The following CBX3 variants were observed in gnomAD, a reference collection of about 807,000 sequenced individuals.
The protein encoded by CBX3 is chromobox protein homolog 3.
A neutral mutation model predicts 22.6 loss-of-function variants in CBX3; 5 were observed. The ratio of observed to expected loss-of-function variants is 0.22; its 90% confidence interval spans 0.12 to 0.47. The LOEUF is 0.47. Among genes scored for constraint, CBX3 ranks in the 20% least tolerant of loss-of-function variants. CBX3 has a pLI of 0.99. For missense variants in CBX3, 83 were observed against 208.1 expected (o/e 0.40, Z 3.70); for synonymous variants, 50 against 66.6 (o/e 0.75, Z 1.21).
In CBX3 at chr7:26,211,643, A is replaced by G. The variant is rs1265096368; in HGVS notation, c.331-19A>G. On this transcript the variant is annotated intron_variant, in intron 4 of 5. Coordinates refer to ENST00000396386, the MANE Select transcript of CBX3 (RefSeq NM_016587.4). ...TTAATACTCTGAGTTTGCTGTATGAAAAAATGTCTTCTAAACAGGCTGACA... is the reference window on the plus strand; with the variant it reads ...TTAATACTCTGAGTTTGCTGTATGAGAAAATGTCTTCTAAACAGGCTGACA... The G allele has an allele frequency of 1.2e-5, 18 of 1,547,778 alleles. No individual in the cohort carries two copies. The highest frequency in any genetic ancestry group is 1.6e-5 in the Non-Finnish European group (18 of 1,135,238).
At chr7:26,209,507 A>T (rs1784758263) in intron 4 of CBX3, among the ~76,000 whole-genome samples, 1 of 152,224 alleles carries the variant, frequency 6.6e-6, no homozygotes, top group Non-Finnish European at 1.5e-5. Context: ...ACGCAAATAG[A>T]ACTTTCTGAT....
At chr7:26,202,637 T>A (rs1784562897) in intron 1 of CBX3, 1 of 267,530 alleles carries the variant, frequency 3.7e-6, no homozygotes, top group Non-Finnish European at 7.0e-6. Context: ...TCGTGCCTGG[T>A]TTTAAACCGA....
chr7:26,209,306 G>A (rs943289873), intron 4 of CBX3, among the ~76,000 whole-genome samples: 7 of 152,236 alleles, frequency 4.6e-5, no homozygotes, highest in South Asian at 2.1e-4. Context: ...AAGGATGGGC[G>A]TGGTTTAGCC....
intron 1 of CBX3, chr7:26,202,606 C>G (rs1352583723): frequency 4.5e-6 from 1 of 221,544 alleles, no homozygotes; most frequent in Non-Finnish European, 8.8e-6. Flanking sequence ...AGTGCTTTAC[C>G]GTTGTGAGTT....
chr7:26,209,031 A>T (rs1784746265), intron 4 of CBX3, among the ~76,000 whole-genome samples: 2 of 137,120 alleles, frequency 1.5e-5, no homozygotes, highest in Non-Finnish European at 3.0e-5. Context: ...CTCCGCCTCC[A>T]GAGTAGCTGG....
Position 26,203,030 on chromosome 7 carries a change from AATGAAAACCTAAAAT to A in CBX3, c.24+12_24+26del. On this transcript the variant is annotated intron_variant, in intron 2 of 5. Transcript: ENST00000396386. Reference sequence around the variant, plus strand: ...TCCAACAAAACTACATTGGTAAGTTAATGAAAACCTAAAATATGTAAGGATTTAACTCAAGTTTTT... The same window carrying A: ...TCCAACAAAACTACATTGGTAAGTTAATGTAAGGATTTAACTCAAGTTTTT... The A allele has an allele frequency of 6.6e-7, 1 of 1,511,154 alleles. No individual in the cohort carries two copies. The highest frequency in any genetic ancestry group is 1.2e-5 in the South Asian group (1 of 84,012). The allele number at this position is 1,511,154 out of a possible 1,614,324, so 93.6% of individuals were successfully genotyped here. A position where few individuals can be genotyped will look rare whatever the true frequency, so the allele number is the denominator to read the frequency against.
intron 2 of CBX3, among the ~76,000 whole-genome samples, chr7:26,205,803 G>T (rs188086092): frequency 6.6e-6 from 1 of 152,152 alleles, no homozygotes; most frequent in Non-Finnish European, 1.5e-5. Context: ...TAAGACTACA[G>T]GGCCGGGCGC....
intron 2 of CBX3, among the ~76,000 whole-genome samples, chr7:26,204,963 A>T (rs1187078832): frequency 6.6e-6 from 1 of 151,708 alleles, no homozygotes; most frequent in Non-Finnish European, 1.5e-5. Flanking sequence ...CTAATTTTGT[A>T]TTTTTAGTAG....
rs914975038 is a variant in CBX3 at position 26,202,841 on chromosome 7, C to T, written c.-28-130C>T. ...AAGCAATGTAGGTAGGAGCGCAGAT[C>T]TACTCTGGATTTGTATTCACGTTTG... On this transcript the variant is annotated intron_variant, in intron 1 of 5. Transcript: ENST00000396386. The T allele has an allele frequency of 8.5e-6, 6 of 709,672 alleles. No individual in the cohort carries two copies. The African/African-American group carries it at 1.1e-4, about 13-fold the overall frequency. The allele number at this position is 709,672 out of a possible 1,614,324, so 44.0% of individuals were successfully genotyped here.
chr7:26,201,494 G>C (rs1784431222), upstream of CBX3: 3 of 152,022 alleles, frequency 2.0e-5, no homozygotes, highest in Non-Finnish European at 4.4e-5. Flanking sequence ...AGGAGACTCC[G>C]GTCACTGTCC....
chr7:26,207,742 TC>T (rs1341140947), intron 3 of CBX3, among the ~76,000 whole-genome samples: 3 of 151,952 alleles, frequency 2.0e-5, no homozygotes, highest in African/African-American at 4.8e-5. Flanking sequence ...GATCCCAAAC[TC>T]CTGACCTCAA....
chr7:26,207,095 T>A (rs752492330), intron 3 of CBX3, among the ~76,000 whole-genome samples: 1 of 152,196 alleles, frequency 6.6e-6, no homozygotes, highest in Non-Finnish European at 1.5e-5. Flanking sequence ...GTTGTGCTTA[T>A]CTGCTTTGAT....
chr7:26,202,733 A>C, intron 1 of CBX3: 1 of 491,870 alleles, frequency 2.0e-6, no homozygotes, highest in Non-Finnish European at 3.6e-6. Context: ...ATTTTAAGCC[A>C]TGTGAAGCTG....
At chr7:26,209,063 C>T (rs1293801196) in intron 4 of CBX3, among the ~76,000 whole-genome samples, 2 of 150,824 alleles carry the variant, frequency 1.3e-5, no homozygotes, top group African/African-American at 4.9e-5. Flanking sequence ...TGTACCACCA[C>T]ACCCAGCTGG....
Position 26,212,916 on chromosome 7 carries a change from A to T in CBX3, c.*708A>T, listed in dbSNP as rs1784841974. 1 of 151,104 alleles carries T rather than the reference A, an allele frequency of 6.6e-6. No homozygotes were observed. Among genetic ancestry groups the T allele is most frequent in the Non-Finnish European group, 1.5e-5 (1 of 68,050 alleles). 9.4% of individuals were successfully genotyped at this position (151,104 alleles called of 1,614,324 possible). On this transcript the variant is annotated 3_prime_UTR_variant, in exon 6 of 6. Transcript: ENST00000396386. ...AGCAGGTTTCCTCATCCAGATGAGGAAACTAGACAAATGCTAGTGTGTTTT... is the reference window on the plus strand; with the variant it reads ...AGCAGGTTTCCTCATCCAGATGAGGTAACTAGACAAATGCTAGTGTGTTTT...
chr7:26,204,798 T>G (rs1003673676), intron 2 of CBX3, among the ~76,000 whole-genome samples: 5 of 152,136 alleles, frequency 3.3e-5, no homozygotes, highest in African/African-American at 1.2e-4. Context: ...TTTGTTTTTG[T>G]GTTTTTTTGA....
chr7:26,202,849 G>T, intron 1 of CBX3, 122 bp from the exon 2 acceptor site: 1 of 731,578 alleles, frequency 1.4e-6, no homozygotes, highest in South Asian at 1.5e-5. Flanking sequence ...ATCTACTCTG[G>T]ATTTGTATTC....
At position 26,211,988 on chromosome 7, in the gene CBX3, C is replaced by G. The variant is rs1042209070; in HGVS notation, c.426-94C>G. 4 of 1,169,118 alleles carry G rather than the reference C, an allele frequency of 3.4e-6. No homozygotes were observed. In the Admixed American group the frequency reaches 9.0e-5, roughly 26 times the overall value. 72.4% of individuals were successfully genotyped at this position (1,169,118 alleles called of 1,614,324 possible). A position where few individuals can be genotyped will look rare whatever the true frequency, so the allele number is the denominator to read the frequency against. On this transcript the variant is annotated intron_variant, in intron 5 of 5. Coordinates refer to ENST00000396386, the MANE Select transcript of CBX3 (RefSeq NM_016587.4). ...ATAACTCTCCTGGAGCACTTCAATA[C>G]CTTTTGTTTGGACTATTATTTCTTA...
At chr7:26,205,165 G>A (rs941317988) in intron 2 of CBX3, among the ~76,000 whole-genome samples, 92 of 151,924 alleles carry the variant, frequency 6.1e-4, no homozygotes, top group African/African-American at 2.0e-3. Context: ...ACCATTTCAG[G>A]GTTTTTTTTC....
Sources: gnomAD v4.1 joint callset for allele counts (sites outside exome capture counted in the v4.1 genomes callset) on GRCh38, gnomAD v4.1.1 for gene constraint, MANE v1.5 for transcripts, NCBI Gene and HGNC (gene_info 2026-07-23, HGNC 2026-07-21) for gene names.